MAGI2: variants seen among roughly 807,000 people sequenced by gnomAD.
MAGI2 encodes the protein membrane-associated guanylate kinase, WW and PDZ domain-containing protein 2.
MAGI2 carries 35 observed loss-of-function variants against 133.3 expected under a neutral mutation model. The observed-to-expected ratio is 0.26, with a 90% CI of 0.20 to 0.35. The LOEUF (loss-of-function observed/expected upper bound fraction) is 0.35, where lower values mean the gene tolerates loss of function less well. Among genes scored for constraint, MAGI2 ranks in the 10% least tolerant of loss-of-function variants. MAGI2 has a pLI of 1.00. For missense variants in MAGI2, 1,636 were observed against 1,863.4 expected, an observed-to-expected ratio of 0.88 and a Z score of 2.25; for synonymous variants, 729 against 710.6, an observed-to-expected ratio of 1.03 and a Z score of -0.41.
At chr7:79,255,545 C>T (rs558012691) in intron 1 of MAGI2, among the ~76,000 whole-genome samples, 6 of 152,150 alleles carry the variant, frequency 3.9e-5, no homozygotes, top group East Asian at 1.9e-4. Flanking sequence ...AAAGAAACTT[C>T]GCAATTCGCA....
intron 1 of MAGI2, among the ~76,000 whole-genome samples, chr7:79,236,069 G>A (rs1168748605): frequency 6.6e-6 from 1 of 152,154 alleles, no homozygotes; most frequent in African/African-American, 2.4e-5. Flanking sequence ...GCTTGTATTA[G>A]AAAAAGACTA....
At chr7:78,379,027 A>C (rs1794693290) in intron 6 of MAGI2, among the ~76,000 whole-genome samples, 2 of 152,072 alleles carry the variant, frequency 1.3e-5, no homozygotes, top group South Asian at 4.1e-4. Flanking sequence ...GTACAAAGAC[A>C]AACATTAGAA....
chr7:78,657,948 G>C (rs539917561), intron 2 of MAGI2, among the ~76,000 whole-genome samples: 1 of 152,208 alleles, frequency 6.6e-6, no homozygotes, highest in East Asian at 1.9e-4. Flanking sequence ...CAACTTCACT[G>C]TGAACCTAAA....
At chr7:79,422,057 T>C (rs1846997623) in intron 1 of MAGI2, among the ~76,000 whole-genome samples, 1 of 151,980 alleles carries the variant, frequency 6.6e-6, no homozygotes, top group South Asian at 2.1e-4. Flanking sequence ...AAGAATGATA[T>C]TGAAATAAAG....
rs560036314 is a variant in MAGI2, at chr7:79,101,462, G to C, written c.302-94256C>G. 4.6e-5 allele frequency among the ~76,000 whole-genome samples: 7 copies of C among 152,126 alleles called. No individual in the cohort carries two copies. The South Asian group carries it at 1.2e-3, about 27-fold the overall frequency. ...AAATGGGGCCGGGCGCAGTGTCTCA[G>C]GCCTGTAATTCCAGCACTTTGGGAG... On this transcript the variant is annotated intron_variant, in intron 1 of 21. Transcript: ENST00000354212.
intron 21 of MAGI2, among the ~76,000 whole-genome samples, chr7:78,076,708 C>T (rs1487208612): frequency 6.1e-5 from 9 of 148,588 alleles, no homozygotes; most frequent in African/African-American, 1.2e-4. Flanking sequence ...TAGCCGGGCG[C>T]GGTGGCGGGC....
chr7:78,560,448 T>C (rs1339736319), intron 3 of MAGI2, among the ~76,000 whole-genome samples: 1 of 152,052 alleles, frequency 6.6e-6, no homozygotes, highest in Non-Finnish European at 1.5e-5. Flanking sequence ...CATGGAAAAA[T>C]GTCAGATCTG....
chr7:79,216,684 T>A (rs1585227943), intron 1 of MAGI2, among the ~76,000 whole-genome samples: 2 of 152,220 alleles, frequency 1.3e-5, no homozygotes, highest in South Asian at 4.1e-4. Flanking sequence ...TTGCATGTCC[T>A]GCAAGGGGCG....
chr7:79,157,144 G>A (rs568971257), intron 1 of MAGI2, among the ~76,000 whole-genome samples: 20 of 152,176 alleles, frequency 1.3e-4, no homozygotes, highest in African/African-American at 2.2e-4. Flanking sequence ...TTGTCTGTGC[G>A]CATTTGCATG....
At chr7:79,053,975 T>C (rs1812912226) in intron 1 of MAGI2, among the ~76,000 whole-genome samples, 1 of 152,072 alleles carries the variant, frequency 6.6e-6, no homozygotes. Flanking sequence ...GGTGGGTGGA[T>C]CATTTGAGGT....
At chr7:79,302,873 C>T (rs1285068362) in intron 1 of MAGI2, among the ~76,000 whole-genome samples, 2 of 152,126 alleles carry the variant, frequency 1.3e-5, no homozygotes, top group Non-Finnish European at 2.9e-5. Flanking sequence ...ATTTTAATTT[C>T]CCTGACAAAA....
chr7:78,049,418 A>G (rs925507633), intron 21 of MAGI2, among the ~76,000 whole-genome samples: 6 of 152,162 alleles, frequency 3.9e-5, no homozygotes, highest in African/African-American at 9.7e-5. Flanking sequence ...CCTTCTAGAC[A>G]TTTTACTTAG....
chr7:79,344,904 T>C (rs886650991), intron 1 of MAGI2, among the ~76,000 whole-genome samples: 2 of 152,082 alleles, frequency 1.3e-5, no homozygotes, highest in African/African-American at 4.8e-5. Flanking sequence ...GCTTGGGTAC[T>C]TGTGGAAAAC....
chr7:78,806,461 C>G (rs1788584795), intron 2 of MAGI2, among the ~76,000 whole-genome samples: 3 of 152,034 alleles, frequency 2.0e-5, no homozygotes, highest in Admixed American at 2.0e-4. Context: ...AGAGTTAGAG[C>G]ATTAGACCCA....
At chr7:78,918,021 A>G (rs1798933872) in intron 2 of MAGI2, among the ~76,000 whole-genome samples, 1 of 152,040 alleles carries the variant, frequency 6.6e-6, no homozygotes, top group African/African-American at 2.4e-5. Flanking sequence ...TATAGAGCTC[A>G]ATCTCCAGGA....
At chr7:79,441,634 A>G (rs1413727368) in intron 1 of MAGI2, among the ~76,000 whole-genome samples, 4 of 152,132 alleles carry the variant, frequency 2.6e-5, no homozygotes, top group Non-Finnish European at 5.9e-5. Context: ...TGAATCTGAC[A>G]TAAGGAAAAT....
intron 10 of MAGI2, among the ~76,000 whole-genome samples, chr7:78,208,021 C>G (rs1023107946): frequency 1.3e-5 from 2 of 152,040 alleles, no homozygotes; most frequent in Non-Finnish European, 2.9e-5. Context: ...AGGCGCCCAC[C>G]ACCATGCCCG....
chr7:78,086,103 T>G (rs775337944), intron 20 of MAGI2, among the ~76,000 whole-genome samples: 1 of 152,222 alleles, frequency 6.6e-6, no homozygotes, highest in East Asian at 1.9e-4. Context: ...AATTATGATC[T>G]GGTATCTTCT....
intron 1 of MAGI2, among the ~76,000 whole-genome samples, chr7:79,451,449 A>T (rs1021559622): frequency 2.6e-5 from 4 of 152,220 alleles, no homozygotes; most frequent in Admixed American, 2.6e-4. Flanking sequence ...ATCTTCAAAA[A>T]TATCAAGTTA....
Sources: gnomAD v4.1 joint callset for allele counts (sites outside exome capture counted in the v4.1 genomes callset) on GRCh38, gnomAD v4.1.1 for gene constraint, MANE v1.5 for transcripts, NCBI Gene and HGNC (gene_info 2026-07-23, HGNC 2026-07-21) for gene names.